Variants in KAZN observed in about 807,000 individuals in gnomAD.
KAZN encodes the protein kazrin, periplakin interacting protein.
KAZN carries 40 observed loss-of-function variants against 87.4 expected under a neutral mutation model. That is an observed-to-expected ratio of 0.46 (90% CI 0.36 to 0.60). The LOEUF (loss-of-function observed/expected upper bound fraction) is 0.60, where lower values mean the gene tolerates loss of function less well. KAZN is among the 20% of genes least tolerant of loss of function. The probability of loss-of-function intolerance (pLI) is 0.00; values close to 1 mark genes in which losing one functional copy is unlikely to be tolerated. For synonymous variants in KAZN, 466 were observed against 458.3 expected (o/e 1.02, Z -0.22); for missense variants, 898 against 1,073.9 (o/e 0.84, Z 2.29).
chr1:14,248,185 A>G (rs1649686845), intron 2 of KAZN, among the ~76,000 whole-genome samples: 1 of 152,156 alleles, frequency 6.6e-6, no homozygotes, highest in Non-Finnish European at 1.5e-5. Context: ...TTGTGTTTGA[A>G]ACAATATGGT....
At chr1:14,154,828 A>C (rs1220598840) in intron 1 of KAZN, among the ~76,000 whole-genome samples, 1 of 152,238 alleles carries the variant, frequency 6.6e-6, no homozygotes, top group African/African-American at 2.4e-5. Context: ...CCATCCTTGC[A>C]TCCCAAAGAT....
At chr1:14,145,981 T>C (rs1316865836) in intron 1 of KAZN, among the ~76,000 whole-genome samples, 1 of 152,226 alleles carries the variant, frequency 6.6e-6, no homozygotes, top group African/African-American at 2.4e-5. Context: ...TCTGAATTTA[T>C]GGTATTCTAA....
At chr1:14,805,498 C>T (rs1011140456) in intron 1 of KAZN, among the ~76,000 whole-genome samples, 1 of 152,150 alleles carries the variant, frequency 6.6e-6, no homozygotes, top group African/African-American at 2.4e-5. Flanking sequence ...GTGTCTCACA[C>T]CTATATTCCC....
At chr1:14,126,575 C>T (rs1557496173) in intron 1 of KAZN, among the ~76,000 whole-genome samples, 2 of 151,848 alleles carry the variant, frequency 1.3e-5, no homozygotes, top group Non-Finnish European at 2.9e-5. Context: ...TTACAATGAC[C>T]TAATGACAGA....
At chr1:14,588,521 GAACTTACGCAC>G (rs1338375365) in intron 2 of KAZN, among the ~76,000 whole-genome samples, 1 of 152,220 alleles carries the variant, frequency 6.6e-6, no homozygotes, top group East Asian at 1.9e-4. Flanking sequence ...CTTCCGAAGG[GAACTTACGCAC>G]CTGAGTGCCA....
intron 2 of KAZN, among the ~76,000 whole-genome samples, chr1:14,339,775 C>T (rs1463197236): frequency 1.4e-4 from 21 of 152,288 alleles, no homozygotes; most frequent in East Asian, 1.9e-4. Context: ...CCTAGAATAA[C>T]GTTTGACCAG....
intron 2 of KAZN, among the ~76,000 whole-genome samples, chr1:14,204,238 C>T (rs1425633189): frequency 6.6e-6 from 1 of 152,202 alleles, no homozygotes; most frequent in Non-Finnish European, 1.5e-5. Context: ...TCCAAATAAT[C>T]ACCAGAAATG....
chr1:14,955,144 C>G (rs901234029), intron 1 of KAZN, among the ~76,000 whole-genome samples: 2 of 152,176 alleles, frequency 1.3e-5, no homozygotes, highest in South Asian at 4.1e-4. Flanking sequence ...CACACAGCAA[C>G]GTAATCTTTC....
At chr1:14,759,165 G>C (rs1644663013) in intron 1 of KAZN, among the ~76,000 whole-genome samples, 1 of 152,218 alleles carries the variant, frequency 6.6e-6, no homozygotes, top group Non-Finnish European at 1.5e-5. Context: ...GGCACACACA[G>C]GGCAGCCACG....
At chr1:14,401,311 A>T (rs776376916) in intron 2 of KAZN, among the ~76,000 whole-genome samples, 14 of 152,034 alleles carry the variant, frequency 9.2e-5, no homozygotes, top group Non-Finnish European at 1.9e-4. Context: ...TCTTATATAT[A>T]TAATGTAGAA....
intron 2 of KAZN, among the ~76,000 whole-genome samples, chr1:14,535,722 C>T (rs938573496): frequency 6.6e-6 from 1 of 152,020 alleles, no homozygotes; most frequent in African/African-American, 2.4e-5. Context: ...AGGACTGCAG[C>T]TTGCATGCCA....
chr1:14,437,928 GT>G (rs888827830), intron 2 of KAZN, among the ~76,000 whole-genome samples: 28 of 152,260 alleles, frequency 1.8e-4, no homozygotes, highest in Middle Eastern at 3.4e-3. Context: ...GGGATGACAT[GT>G]TCCCTTTTTC....
At chr1:14,285,975 T>G (rs1653216911) in intron 2 of KAZN, among the ~76,000 whole-genome samples, 1 of 152,202 alleles carries the variant, frequency 6.6e-6, no homozygotes, top group Non-Finnish European at 1.5e-5. Flanking sequence ...ATATCAAGAA[T>G]GCACAGGGGC....
At chr1:13,998,850 T>C (rs1379707759) in intron 1 of KAZN, among the ~76,000 whole-genome samples, 1 of 152,164 alleles carries the variant, frequency 6.6e-6, no homozygotes, top group Non-Finnish European at 1.5e-5. Flanking sequence ...TGAATTCTGC[T>C]CTGGATCAAG....
chr1:14,781,759 A>G (rs1645356610), intron 1 of KAZN, among the ~76,000 whole-genome samples: 1 of 152,184 alleles, frequency 6.6e-6, no homozygotes, highest in Non-Finnish European at 1.5e-5. Flanking sequence ...GGAGCCTAGG[A>G]GTTCAAGACC....
At chr1:13,940,828 T>C (rs1225412660) in intron 1 of KAZN, among the ~76,000 whole-genome samples, 1 of 152,164 alleles carries the variant, frequency 6.6e-6, no homozygotes, top group East Asian at 1.9e-4. Flanking sequence ...TATTCTTAAA[T>C]TAATTAAAAT....
intron 1 of KAZN, among the ~76,000 whole-genome samples, chr1:13,953,021 C>T (rs1641411342): frequency 6.6e-6 from 1 of 152,150 alleles, no homozygotes; most frequent in Non-Finnish European, 1.5e-5. Context: ...ACAGAATGGG[C>T]TGCCCTGGAG....
At chr1:14,671,876 T>C (rs1460152009) in intron 1 of KAZN, among the ~76,000 whole-genome samples, 1 of 151,994 alleles carries the variant, frequency 6.6e-6, no homozygotes, top group Non-Finnish European at 1.5e-5. Context: ...AGCGGAGGAG[T>C]GTGGATTCAA....
intron 6 of KAZN, 113 bp from the exon 7 acceptor site, chr1:15,063,459 G>A: frequency 2.3e-6 from 2 of 864,608 alleles, no homozygotes; most frequent in Admixed American, 1.8e-5. Context: ...AGGCAGGGTG[G>A]CCCCTGAGAG....
Sources: allele counts gnomAD v4.1 joint callset (sites outside exome capture counted in the v4.1 genomes callset), GRCh38; gene constraint gnomAD v4.1.1; transcripts MANE v1.5; gene names NCBI Gene and HGNC (gene_info 2026-07-23, HGNC 2026-07-21).